The following AP2A2 variants were observed in gnomAD, a reference collection of about 807,000 sequenced individuals.
The protein encoded by AP2A2 is AP-2 complex subunit alpha-2.
Under a neutral mutation model 104.2 loss-of-function variants are expected in AP2A2, and 32 were observed. The observed-to-expected ratio is 0.31, with a 90% CI of 0.23 to 0.41. The LOEUF (loss-of-function observed/expected upper bound fraction) is 0.41. Among genes scored for constraint, AP2A2 ranks in the 10% least tolerant of loss-of-function variants. AP2A2 has a pLI of 1.00. For synonymous variants in AP2A2, 539 were observed against 533.3 expected (o/e 1.01, Z -0.15); for missense variants, 912 against 1,261.0 (o/e 0.72, Z 4.19).
chr11:940,801 T>C (rs1337919237), intron 1 of AP2A2: 2 of 456,310 alleles, frequency 4.4e-6, no homozygotes, highest in South Asian at 3.1e-5. Flanking sequence ...TGAAGGGCTT[T>C]GGCAGGGGCC....
At chr11:959,010 CTG>C (rs1241966264) in intron 1 of AP2A2, among the ~76,000 whole-genome samples, 5 of 152,344 alleles carry the variant, frequency 3.3e-5, no homozygotes, top group South Asian at 4.1e-4. Flanking sequence ...AGTAGTAAAA[CTG>C]TGTGCTTTTG....
Position 1,003,571 on chromosome 11 carries a change from T to C in AP2A2, c.2124-151T>C, listed in dbSNP as rs1295830473. 5.7e-6 allele frequency: 3 copies of C among 528,502 alleles called. No homozygotes were observed. In the East Asian group the frequency reaches 9.7e-5, roughly 17 times the overall value. The allele number at this position is 528,502 out of a possible 1,614,324, so 32.7% of individuals were successfully genotyped here. ...CTCCTCCAGTGGCTGTTTGTCAGGATAGTCCTTGGAATAGTTTCCACTTTT... is the reference window on the plus strand; with the variant it reads ...CTCCTCCAGTGGCTGTTTGTCAGGACAGTCCTTGGAATAGTTTCCACTTTT... On this transcript the variant is annotated intron_variant, in intron 15 of 21. Coordinates refer to ENST00000448903, the MANE Select transcript of AP2A2 (RefSeq NM_012305.4).
chr11:998,760 C>T (rs1359982912), intron 14 of AP2A2, among the ~76,000 whole-genome samples: 3 of 152,100 alleles, frequency 2.0e-5, no homozygotes, highest in Non-Finnish European at 4.4e-5. Context: ...TTCAGTGGTA[C>T]GATCTTGGCT....
rs148231926 is a variant in AP2A2, at chr11:937,697, AATTT to A, written c.67+11613_67+11616del. Among the ~76,000 whole-genome samples, 1,143 of 152,338 alleles carry A rather than the reference AATTT, an allele frequency of 7.5e-3. 22 individuals are homozygous for A. The highest frequency in any genetic ancestry group is 0.026 in the African/African-American group (1,092 of 41,576). On this transcript the variant is annotated intron_variant, in intron 1 of 21. Coordinates refer to ENST00000448903, the MANE Select transcript of AP2A2 (RefSeq NM_012305.4). Reference sequence around the variant, plus strand: ...TAAAAAAGGATTGAATATCTCATGTAATTTATTGAATACTGTATGAAAGTGGAAA... The same window carrying A: ...TAAAAAAGGATTGAATATCTCATGTAATTGAATACTGTATGAAAGTGGAAA...
intron 1 of AP2A2, chr11:948,614 C>T (rs2134512956): frequency 6.6e-6 from 1 of 152,230 alleles, no homozygotes; most frequent in South Asian, 2.1e-4. Context: ...TGCCTGTAAT[C>T]CCAGCACTTT....
Position 1,010,901 on chromosome 11 carries a change from C to A in AP2A2, c.*276C>A. The A allele has an allele frequency of 1.5e-6, 1 of 663,734 alleles. No homozygotes were observed. The allele number at this position is 663,734 out of a possible 1,614,324, so 41.1% of individuals were successfully genotyped here. On this transcript the variant is annotated 3_prime_UTR_variant, in exon 22 of 22. Transcript: ENST00000448903. ...CGAGACAGTTCTGTGGTTAAATCTA[C>A]AAATTAAAGGGAAATTAGAAGTTGG... is the stretch of plus-strand genomic sequence containing the variant.
chr11:1,009,444 C>G (rs761985888), intron 20 of AP2A2, 47 bp downstream of exon 20: 8 of 1,550,750 alleles, frequency 5.2e-6, no homozygotes, highest in Non-Finnish European at 6.2e-6. Context: ...AGCCCGTGAC[C>G]CCGCGCCAGG....
chr11:960,319 C>T (rs181923980), intron 2 of AP2A2, among the ~76,000 whole-genome samples: 167 of 152,042 alleles, frequency 1.1e-3, no homozygotes, highest in African/African-American at 3.8e-3. Context: ...CTTGGCTCAC[C>T]GCAACCTCCG....
In AP2A2 at chr11:1,009,028, G is replaced by C. The variant is rs779705310; in HGVS notation, c.2421-72G>C. ...TAGATCGGGACGCTTCTCACTCCAGGCTCTTTCCCGGTCCCTGGGGCTCTC... is the reference window on the plus strand; with the variant it reads ...TAGATCGGGACGCTTCTCACTCCAGCCTCTTTCCCGGTCCCTGGGGCTCTC... On this transcript the variant is annotated intron_variant, in intron 18 of 21. Coordinates refer to ENST00000448903, the MANE Select transcript of AP2A2 (RefSeq NM_012305.4). The C allele has an allele frequency of 4.2e-5, 55 of 1,302,262 alleles. No individual in the cohort carries two copies. The East Asian group carries it at 1.3e-3, about 31-fold the overall frequency. 80.7% of individuals were successfully genotyped at this position (1,302,262 alleles called of 1,614,324 possible). A position where few individuals can be genotyped will look rare whatever the true frequency, so the allele number is the denominator to read the frequency against.
At position 1,010,838 on chromosome 11, in the gene AP2A2, G is replaced by A. The variant is rs1856403051; in HGVS notation, c.*213G>A. ...GCTCAGCCTGGACTGTGGCAGCCAC[G>A]GCAGAAGGTGGATCTTGGGATCAAT... is the stretch of plus-strand genomic sequence containing the variant. On this transcript the variant is annotated 3_prime_UTR_variant, in exon 22 of 22. Transcript: ENST00000448903. 3.1e-6 allele frequency: 2 copies of A among 641,424 alleles called. No homozygotes were observed. Among genetic ancestry groups the A allele is most frequent in the East Asian group, 2.7e-5 (1 of 36,758 alleles). 39.7% of individuals were successfully genotyped at this position (641,424 alleles called of 1,614,324 possible). A position where few individuals can be genotyped will look rare whatever the true frequency, so the allele number is the denominator to read the frequency against.
intron 14 of AP2A2, among the ~76,000 whole-genome samples, chr11:997,662 T>A (rs1162364463): frequency 2.0e-5 from 3 of 152,144 alleles, no homozygotes; most frequent in Non-Finnish European, 4.4e-5. Flanking sequence ...CCCAGCGCTT[T>A]GGGAGGCTGA....
At chr11:989,243 C>T (rs1202525592) in intron 10 of AP2A2, among the ~76,000 whole-genome samples, 3 of 151,984 alleles carry the variant, frequency 2.0e-5, no homozygotes, top group African/African-American at 7.2e-5. Context: ...AGGAGAATCG[C>T]TTGAACCCGG....
In AP2A2 at chr11:926,020, A is replaced by G. The variant is rs1853106796; in HGVS notation, c.-2A>G. On this transcript the variant is annotated 5_prime_UTR_variant, in exon 1 of 22. Coordinates refer to ENST00000448903, the MANE Select transcript of AP2A2 (RefSeq NM_012305.4). ...GCCGAGGCCGCTCCCGAGCGTCGGA[A>G]GATGCCGGCCGTGTCCAAGGGGGAC... is the stretch of plus-strand genomic sequence containing the variant. The G allele has an allele frequency of 7.1e-7, 1 of 1,410,918 alleles. No homozygotes were observed. Among genetic ancestry groups the G allele is most frequent in the Non-Finnish European group, 9.3e-7 (1 of 1,070,206 alleles). 87.4% of individuals were successfully genotyped at this position (1,410,918 alleles called of 1,614,324 possible).
chr11:988,727 G>A (rs924463138), intron 10 of AP2A2, 38 bp downstream of exon 10: 2 of 1,608,638 alleles, frequency 1.2e-6, no homozygotes, highest in East Asian at 2.2e-5. Context: ...TCCTGCCACA[G>A]GCGTGAATCT....
At chr11:989,844 C>T (rs1386152237) in intron 10 of AP2A2, among the ~76,000 whole-genome samples, 1 of 152,298 alleles carries the variant, frequency 6.6e-6, no homozygotes, top group Admixed American at 6.5e-5. Flanking sequence ...GCCACTGTGA[C>T]CAGCCAGGAC....
chr11:1,003,891 GA>G, intron 16 of AP2A2, 87 bp downstream of exon 16: 1 of 832,034 alleles, frequency 1.2e-6, no homozygotes. Flanking sequence ...ACTTATAAGG[GA>G]TAGATATCCA....
intron 1 of AP2A2, among the ~76,000 whole-genome samples, chr11:935,239 A>C (rs1021211214): frequency 1.3e-5 from 2 of 151,976 alleles, no homozygotes; most frequent in African/African-American, 4.8e-5. Context: ...TATTTTTTTT[A>C]GTAGAGACGG....
At chr11:985,682 C>T in intron 8 of AP2A2, 100 bp downstream of exon 8, 2 of 1,512,322 alleles carry the variant, frequency 1.3e-6, no homozygotes, top group Non-Finnish European at 9.0e-7. Context: ...TTGTCCACTC[C>T]ATGGGCCTCC....
At chr11:960,006 C>A (rs1225104077) in intron 2 of AP2A2, among the ~76,000 whole-genome samples, 2 of 152,192 alleles carry the variant, frequency 1.3e-5, no homozygotes, top group East Asian at 1.9e-4. Flanking sequence ...CCCAGTTAAT[C>A]CTTAAAGCCT....
Sources: gnomAD v4.1 joint callset for allele counts (sites outside exome capture counted in the v4.1 genomes callset) on GRCh38, gnomAD v4.1.1 for gene constraint, MANE v1.5 for transcripts, NCBI Gene and HGNC (gene_info 2026-07-23, HGNC 2026-07-21) for gene names.